CNTNAP2: variants seen among roughly 807,000 people sequenced by gnomAD.
The protein encoded by CNTNAP2 is contactin associated protein 2, also known as contactin-associated protein-like 2.
A neutral mutation model predicts 155.2 loss-of-function variants in CNTNAP2; 98 were observed. That is an observed-to-expected ratio of 0.63 (90% CI 0.54 to 0.75). CNTNAP2 has a LOEUF of 0.75. Among genes scored for constraint, CNTNAP2 ranks in the 30% least tolerant of loss-of-function variants. The pLI, the probability that CNTNAP2 is intolerant of heterozygous loss-of-function variation, is 0.00. For synonymous variants in CNTNAP2, 651 were observed against 631.2 expected (o/e 1.03, Z -0.47); for missense variants, 1,727 against 1,688.1 (o/e 1.02, Z -0.40).
chr7:147,812,647 A>G (rs1798199247), intron 13 of CNTNAP2, among the ~76,000 whole-genome samples: 2 of 152,222 alleles, frequency 1.3e-5, no homozygotes, highest in Non-Finnish European at 2.9e-5. Context: ...ACAAGGCCTC[A>G]GGTCCTCTCT....
At chr7:147,985,674 A>G (rs1455281299) in intron 15 of CNTNAP2, among the ~76,000 whole-genome samples, 1 of 152,180 alleles carries the variant, frequency 6.6e-6, no homozygotes, top group Non-Finnish European at 1.5e-5. Flanking sequence ...GGCTCCCCTA[A>G]CAGTGTACTT....
intron 11 of CNTNAP2, among the ~76,000 whole-genome samples, chr7:147,519,562 T>C (rs2116704298): frequency 6.6e-6 from 1 of 152,314 alleles, no homozygotes; most frequent in Admixed American, 6.5e-5. Flanking sequence ...CTGTGATTAT[T>C]TTTCAAAGGA....
At chr7:147,341,830 A>G (rs1204449788) in intron 9 of CNTNAP2, among the ~76,000 whole-genome samples, 2 of 151,968 alleles carry the variant, frequency 1.3e-5, no homozygotes, top group Non-Finnish European at 2.9e-5. Flanking sequence ...AAATATAAGA[A>G]ACCATTTATT....
chr7:146,494,986 T>C lies in CNTNAP2; in HGVS notation c.98-279285T>C, dbSNP rs552533096. Among the ~76,000 whole-genome samples the C allele has an allele frequency of 3.3e-5, 5 of 152,296 alleles. No individual in the cohort carries two copies. In the South Asian group the frequency reaches 8.3e-4, roughly 25 times the overall value. On this transcript the variant is annotated intron_variant, in intron 1 of 23. Coordinates refer to ENST00000361727, the MANE Select transcript of CNTNAP2 (RefSeq NM_014141.6). ...CTAAACAAGATTAGTGATTCCCAAC[T>C]ACCAGAGGATAAAATCAATTTATCA...
chr7:146,895,066 G>T (rs995395510), intron 3 of CNTNAP2, among the ~76,000 whole-genome samples: 3 of 151,966 alleles, frequency 2.0e-5, no homozygotes, highest in Admixed American at 1.3e-4. Flanking sequence ...TTCTTGTACT[G>T]CAGTATTTCT....
At chr7:147,101,951 T>A (rs965439703) in intron 4 of CNTNAP2, among the ~76,000 whole-genome samples, 1 of 152,172 alleles carries the variant, frequency 6.6e-6, no homozygotes, top group African/African-American at 2.4e-5. Flanking sequence ...GTTTGCGGGC[T>A]TGAGGGCGGA....
intron 3 of CNTNAP2, among the ~76,000 whole-genome samples, chr7:146,875,928 A>AG (rs1287260328): frequency 1.0e-5 from 1 of 98,886 alleles, no homozygotes; most frequent in Non-Finnish European, 2.0e-5. Context: ...ACACACACAT[A>AG]CACAGCAAAA....
chr7:146,885,347 G>C (rs539873461), intron 3 of CNTNAP2, among the ~76,000 whole-genome samples: 1 of 152,042 alleles, frequency 6.6e-6, no homozygotes, highest in Non-Finnish European at 1.5e-5. Context: ...GGCAAGAAAC[G>C]AGAATACCAG....
intron 1 of CNTNAP2, among the ~76,000 whole-genome samples, chr7:146,255,115 C>G (rs1328768293): frequency 6.6e-6 from 1 of 152,062 alleles, no homozygotes; most frequent in African/African-American, 2.4e-5. Context: ...GTTGAATAAT[C>G]ATGTGAATAC....
intron 21 of CNTNAP2, among the ~76,000 whole-genome samples, chr7:148,340,161 G>A (rs762505775): frequency 5.9e-5 from 9 of 152,114 alleles, no homozygotes; most frequent in Non-Finnish European, 1.0e-4. Context: ...GAACAAATTA[G>A]TAGTTGTTAT....
chr7:148,386,396 C>T (rs1395884927), intron 22 of CNTNAP2, among the ~76,000 whole-genome samples: 4 of 152,154 alleles, frequency 2.6e-5, no homozygotes, highest in South Asian at 2.1e-4. Context: ...GGCGTGGTGG[C>T]GCACGCCTGT....
intron 3 of CNTNAP2, among the ~76,000 whole-genome samples, chr7:146,846,036 G>A (rs1260626406): frequency 1.3e-5 from 2 of 152,184 alleles, no homozygotes; most frequent in African/African-American, 4.8e-5. Flanking sequence ...ATGCCATTCT[G>A]TTACAGTTCA....
chr7:146,938,249 C>G (rs1308259737), intron 3 of CNTNAP2, among the ~76,000 whole-genome samples: 1 of 151,990 alleles, frequency 6.6e-6, no homozygotes, highest in Non-Finnish European at 1.5e-5. Context: ...CAAAGCTTAA[C>G]TTTCCCCTTG....
intron 1 of CNTNAP2, among the ~76,000 whole-genome samples, chr7:146,212,969 T>C (rs990696065): frequency 1.3e-5 from 2 of 152,160 alleles, no homozygotes; most frequent in Non-Finnish European, 2.9e-5. Context: ...GTGTTCCTCA[T>C]TGATTCAGTC....
At chr7:146,181,926 A>G (rs1037104327) in intron 1 of CNTNAP2, among the ~76,000 whole-genome samples, 13 of 152,086 alleles carry the variant, frequency 8.5e-5, no homozygotes, top group African/African-American at 3.1e-4. Context: ...ATCCTGCCTT[A>G]TGTTGATGTG....
At chr7:146,546,348 G>A (rs562560044) in intron 1 of CNTNAP2, among the ~76,000 whole-genome samples, 7 of 151,898 alleles carry the variant, frequency 4.6e-5, no homozygotes, top group Non-Finnish European at 7.4e-5. Flanking sequence ...GCAAAGATTG[G>A]TATTAGCAAG....
intron 9 of CNTNAP2, among the ~76,000 whole-genome samples, chr7:147,352,798 T>C (rs1056616285): frequency 2.0e-5 from 3 of 151,948 alleles, no homozygotes; most frequent in Non-Finnish European, 4.4e-5. Flanking sequence ...AACCAGGCAG[T>C]AGATAGATAA....
chr7:148,125,967 A>AACTGGG (rs1236182680), intron 16 of CNTNAP2, among the ~76,000 whole-genome samples: 1 of 152,004 alleles, frequency 6.6e-6, no homozygotes, highest in East Asian at 1.9e-4. Context: ...CCTCCCAAAG[A>AACTGGG]ACTGGGATTA....
At chr7:147,760,087 T>C in intron 13 of CNTNAP2, among the ~76,000 whole-genome samples, 1 of 152,090 alleles carries the variant, frequency 6.6e-6, no homozygotes, top group East Asian at 1.9e-4. Context: ...ACCCTTTCCT[T>C]CTCAAGAACC....
Sources: allele counts gnomAD v4.1 joint callset (sites outside exome capture counted in the v4.1 genomes callset), GRCh38; gene constraint gnomAD v4.1.1; transcripts MANE v1.5; gene names NCBI Gene and HGNC (gene_info 2026-07-23, HGNC 2026-07-21).